The following EPB41L1 variants were observed in gnomAD, a reference collection of about 807,000 sequenced individuals.
EPB41L1 encodes the protein erythrocyte membrane protein band 4.1 like 1, also known as band 4.1-like protein 1.
A neutral mutation model predicts 97.8 loss-of-function variants in EPB41L1; 29 were observed. That is an observed-to-expected ratio of 0.30 (90% CI 0.22 to 0.40). EPB41L1 has a LOEUF of 0.40. EPB41L1 is among the 10% of genes least tolerant of loss of function. EPB41L1 has a pLI of 1.00. For missense variants in EPB41L1, 812 were observed against 1,162.3 expected, an observed-to-expected ratio of 0.70 and a Z score of 4.38; for synonymous variants, 383 against 459.2, an observed-to-expected ratio of 0.83 and a Z score of 2.12.
chr20:36,174,029 T>C (rs1235775170), intron 2 of EPB41L1, 75 bp downstream of exon 2: 2 of 1,487,492 alleles, frequency 1.3e-6, no homozygotes, highest in African/African-American at 2.8e-5. Flanking sequence ...GGCTCCAGTA[T>C]TTTTTCTGGA....
intron 1 of EPB41L1, chr20:36,110,659 A>ACC (rs2058372471): frequency 6.6e-6 from 1 of 151,896 alleles, no homozygotes; most frequent in Non-Finnish European, 1.4e-5. Context: ...ACACACACAC[A>ACC]CACCATTGGC....
intron 2 of EPB41L1, among the ~76,000 whole-genome samples, chr20:36,134,352 G>A (rs1269228806): frequency 1.3e-5 from 2 of 152,222 alleles, no homozygotes; most frequent in African/African-American, 4.8e-5. Flanking sequence ...GTGAACTTAA[G>A]CAGATCCCCA....
intron 1 of EPB41L1, among the ~76,000 whole-genome samples, chr20:36,173,167 CTT>C (rs1426249568): frequency 1.3e-5 from 2 of 152,204 alleles, no homozygotes; most frequent in Admixed American, 1.3e-4. Context: ...GTTCTTTTGA[CTT>C]TTACATCGTC....
chr20:36,164,226 C>T (rs552683224), intron 1 of EPB41L1, among the ~76,000 whole-genome samples: 1 of 152,190 alleles, frequency 6.6e-6, no homozygotes, highest in South Asian at 2.1e-4. Flanking sequence ...GGGCCAGCCT[C>T]CTGCTTCTTC....
chr20:36,190,527 G>T lies in EPB41L1; in HGVS notation c.1125-95G>T. ...GGACCACTTTGAATTGTTGTAGTTGGTGGAGTAGTGGGATGAAAGGCCAGC... is the reference window on the plus strand; with the variant it reads ...GGACCACTTTGAATTGTTGTAGTTGTTGGAGTAGTGGGATGAAAGGCCAGC... On this transcript the variant is annotated intron_variant, in intron 10 of 21. Coordinates refer to ENST00000338074, the MANE Select transcript of EPB41L1 (RefSeq NM_012156.2). The surrounding 1 kb of genome is among the most constrained non-coding windows in gnomAD (Gnocchi z 5.8). 6.4e-7 allele frequency: 1 copy of T among 1,566,278 alleles called. No individual in the cohort carries two copies. The highest frequency in any genetic ancestry group is 8.8e-7 in the Non-Finnish European group (1 of 1,142,440).
intron 17 of EPB41L1, among the ~76,000 whole-genome samples, chr20:36,217,114 G>A (rs2063493206): frequency 6.6e-6 from 1 of 152,172 alleles, no homozygotes; most frequent in South Asian, 2.1e-4. Flanking sequence ...GAGTGATGGG[G>A]GAAAGTGCTC....
At chr20:36,172,160 C>T (rs1335246342) in intron 1 of EPB41L1, among the ~76,000 whole-genome samples, 2 of 151,972 alleles carry the variant, frequency 1.3e-5, no homozygotes, top group Non-Finnish European at 2.9e-5. Flanking sequence ...CTCAGTGAAA[C>T]CTCTGCCTCC....
rs1196911549 is a variant in EPB41L1, at chr20:36,207,256, T to TC, written c.1669-2228dup. On this transcript the variant is annotated intron_variant, in intron 14 of 21. Transcript: ENST00000338074. This position sits in a 1 kb window ranked among gnomAD's most constrained non-coding sequence, Gnocchi z 4.9. Reference sequence around the variant, plus strand: ...CAAGGACCAAGTAGGGTTTGTGGTGTCCCCTGCCACAGGAGGTGAGCGCAG... The same window carrying TC: ...CAAGGACCAAGTAGGGTTTGTGGTGTCCCCCTGCCACAGGAGGTGAGCGCAG... The TC allele has an allele frequency of 7.8e-7, 1 of 1,276,966 alleles. No individual in the cohort carries two copies. The allele number at this position is 1,276,966 out of a possible 1,614,324, so 79.1% of individuals were successfully genotyped here. A position where few individuals can be genotyped will look rare whatever the true frequency, so the allele number is the denominator to read the frequency against.
chr20:36,134,852 C>CTTTTT (rs764236552), intron 2 of EPB41L1, among the ~76,000 whole-genome samples: 37 of 107,654 alleles, frequency 3.4e-4, no homozygotes, highest in Non-Finnish European at 5.1e-4. Flanking sequence ...TTTTCTCTGT[C>CTTTTT]TTTTTTTTTT....
At position 36,092,951 on chromosome 20, in the gene EPB41L1, C is replaced by A. The variant is rs1401116586; in HGVS notation, c.-65+1339C>A. On this transcript the variant is annotated intron_variant, in intron 1 of 19. Coordinates refer to the EPB41L1 transcript ENST00000202028. This position sits in a 1 kb window ranked among gnomAD's most constrained non-coding sequence, Gnocchi z 7.0. The stretch of plus-strand genomic sequence containing the variant: ...GCACTGACAGGCCGGCGGGCCGGCT[C>A]CAGGAGCCGCGGGCTTCGGTTCGTG... The A allele has an allele frequency of 6.6e-6, 1 of 152,206 alleles. No individual in the cohort carries two copies. Among genetic ancestry groups the A allele is most frequent in the Non-Finnish European group, 1.5e-5 (1 of 68,096 alleles). 9.4% of individuals were successfully genotyped at this position (152,206 alleles called of 1,614,324 possible).
At position 36,209,729 on chromosome 20, in the gene EPB41L1, C is replaced by T. The variant is rs1263022752; in HGVS notation, c.1910C>T (p.Ser637Phe). ...CATGGCAGCGCCTTCGAAGACTTCTCCCGCAGCCTGCCTGAGCTCGACCGG... is the reference window on the plus strand; with the variant it reads ...CATGGCAGCGCCTTCGAAGACTTCTTCCGCAGCCTGCCTGAGCTCGACCGG... ...DYHGSAFEDF[S>F]RSLPELDRDK... The change falls in exon 15 of 22, where the codon TCC (serine) becomes TTC (phenylalanine). Residue 637 changes from serine to phenylalanine, a missense_variant. Around this residue, in one of 3 missense-constraint regions of EPB41L1, gnomAD observed 498 missense variants for 622.7 expected, o/e 0.80. Transcript: ENST00000338074. The surrounding 1 kb of genome is among the most constrained non-coding windows in gnomAD (Gnocchi z 4.2). The T allele has an allele frequency of 1.2e-6, 2 of 1,614,064 alleles. No individual in the cohort carries two copies. Among genetic ancestry groups the T allele is most frequent in the Non-Finnish European group, 1.7e-6 (2 of 1,180,048 alleles).
chr20:36,214,426 A>G lies in EPB41L1; in HGVS notation c.2254A>G (p.Ile752Val), dbSNP rs1022328108. The G allele has an allele frequency of 6.2e-6, 10 of 1,613,254 alleles. No individual in the cohort carries two copies. In the East Asian group the frequency reaches 1.8e-4, roughly 29 times the overall value. Residue 752 changes from isoleucine to valine, a missense_variant, in exon 17 of 22, where the codon ATA becomes GTA. Physicochemically the swap from Ile to Val is conservative, Grantham distance 29. This residue lies in a region of EPB41L1 where 498 missense variants were observed against 622.7 expected (regional missense o/e 0.80). Coordinates refer to ENST00000338074, the MANE Select transcript of EPB41L1 (RefSeq NM_012156.2). ...ATTPSITTETISTTMENSLKS... is the reference protein window; with the variant it reads ...ATTPSITTETVSTTMENSLKS... ...CACTCCCTCCATCACCACGGAGACC[A>G]TATCGACCACCATGGTAAGTTGAAC...
chr20:36,209,646 G>A lies in EPB41L1; in HGVS notation c.1827G>A (p.Thr609=), dbSNP rs1569329901. 9 of 1,614,142 alleles carry A rather than the reference G, an allele frequency of 5.6e-6. No individual in the cohort carries two copies. The highest frequency in any genetic ancestry group is 2.2e-5 in the South Asian group (2 of 91,078). ...LAIERKCSSI[T]VSSTSSLEAE... is the part of the protein sequence containing the mutation. The stretch of plus-strand genomic sequence containing the variant: ...TTGAGCGCAAGTGCTCCAGCATCAC[G>A]GTCAGCTCTACGTCTAGCCTGGAGG... Residue 609 remains threonine (T), a synonymous_variant, in exon 15 of 22, where the codon ACG becomes ACA. Coordinates refer to ENST00000338074, the MANE Select transcript of EPB41L1 (RefSeq NM_012156.2). The surrounding 1 kb of genome is among the most constrained non-coding windows in gnomAD (Gnocchi z 4.2).
At chr20:36,133,853 G>A (rs1481886478) in intron 2 of EPB41L1, among the ~76,000 whole-genome samples, 7 of 129,074 alleles carry the variant, frequency 5.4e-5, no homozygotes, top group Admixed American at 8.1e-5. Flanking sequence ...GTGAGACCCT[G>A]TCAAAAAAAA....
At chr20:36,094,737 G>T (rs774459563) in intron 1 of EPB41L1, among the ~76,000 whole-genome samples, 1 of 152,122 alleles carries the variant, frequency 6.6e-6, no homozygotes, top group Non-Finnish European at 1.5e-5. Flanking sequence ...TGAGCTTTCT[G>T]TCCCCTCCTT....
At chr20:36,121,294 C>G (rs899490305) in intron 2 of EPB41L1, among the ~76,000 whole-genome samples, 61 of 152,164 alleles carry the variant, frequency 4.0e-4, no homozygotes, top group African/African-American at 1.4e-3. Context: ...GAAAGCAGAA[C>G]TTCATATCGT....
chr20:36,157,605 G>C (rs1183004289), intron 1 of EPB41L1, among the ~76,000 whole-genome samples: 1 of 152,142 alleles, frequency 6.6e-6, no homozygotes, highest in Non-Finnish European at 1.5e-5. Context: ...GGTGTGTGAG[G>C]GGTGTGTGTG....
In EPB41L1 at chr20:36,195,254, G is replaced by T. The variant is rs2062138514; in HGVS notation, c.1450-75G>T. 1.3e-6 allele frequency: 2 copies of T among 1,589,326 alleles called. No homozygotes were observed. The highest frequency in any genetic ancestry group is 2.2e-5 in the South Asian group (2 of 90,346). On this transcript the variant is annotated intron_variant, in intron 12 of 21. Transcript: ENST00000338074. This position sits in a 1 kb window ranked among gnomAD's most constrained non-coding sequence, Gnocchi z 4.6. Reference sequence around the variant, plus strand: ...TGCTCTGGGCTCCTTGCTGGACCAAGCCCATCGTGGTATCTCTAATCCATC... The same window carrying T: ...TGCTCTGGGCTCCTTGCTGGACCAATCCCATCGTGGTATCTCTAATCCATC...
intron 2 of EPB41L1, chr20:36,121,675 A>C (rs1199172827): frequency 6.6e-6 from 1 of 152,152 alleles, no homozygotes; most frequent in African/African-American, 2.4e-5. Context: ...GGAAGTGACC[A>C]CTGGGCTGAG....
Sources: gnomAD v4.1 joint callset for allele counts (sites outside exome capture counted in the v4.1 genomes callset) on GRCh38, gnomAD v4.1.1 for gene constraint, gnomAD v4.1.1 regional missense constraint, Gnocchi (gnomAD v3.1) non-coding constraint, MANE v1.5 for transcripts, NCBI Gene and HGNC (gene_info 2026-07-23, HGNC 2026-07-21) for gene names.